The following TP63 variants were observed in gnomAD, a reference collection of about 807,000 sequenced individuals.
TP63 encodes the protein tumor protein p63.
A neutral mutation model predicts 82.8 loss-of-function variants in TP63; 17 were observed. The observed-to-expected ratio is 0.21, with a 90% CI of 0.14 to 0.31. The LOEUF (loss-of-function observed/expected upper bound fraction) is 0.31, where lower values mean the gene tolerates loss of function less well. TP63 is among the 10% of genes least tolerant of loss of function. The probability of loss-of-function intolerance (pLI) is 1.00; values close to 1 mark genes in which losing one functional copy is unlikely to be tolerated. For missense variants in TP63, 648 were observed against 895.3 expected (o/e 0.72, Z 3.52); for synonymous variants, 330 against 321.7 (o/e 1.03, Z -0.28).
intron 1 of TP63, among the ~76,000 whole-genome samples, chr3:189,665,139 C>A (rs899253786): frequency 7.2e-5 from 11 of 152,246 alleles, no homozygotes; most frequent in African/African-American, 1.9e-4. Context: ...GGTAAAACGA[C>A]TCCTTATGAG....
chr3:189,646,475 A>G (rs1236972559), intron 1 of TP63, among the ~76,000 whole-genome samples: 1 of 147,542 alleles, frequency 6.8e-6, no homozygotes, highest in African/African-American at 2.5e-5. Flanking sequence ...TACTTACTTC[A>G]ATGACTAAAC....
At position 189,808,395 on chromosome 3, in the gene TP63, G is replaced by A. The variant is rs762371837; in HGVS notation, c.448G>A (p.Ala150Thr). 4 of 1,614,046 alleles carry A rather than the reference G, an allele frequency of 2.5e-6. No individual in the cohort carries two copies. Among genetic ancestry groups the A allele is most frequent in the Non-Finnish European group, 3.4e-6 (4 of 1,180,004 alleles). ...CAGCGTCACGGCGCCCTCGCCCTAC[G>A]CACAGCCCAGCTCCACCTTCGATGC... ...QNSVTAPSPY[A>T]QPSSTFDALS... The change falls in exon 4 of 14, where the codon GCA (alanine) becomes ACA (threonine). Residue 150 changes from alanine to threonine, a missense_variant. Ala to Thr is a moderately conservative substitution (Grantham distance 58, BLOSUM62 0). Transcript: ENST00000264731.
At chr3:189,726,280 G>A (rs1273415598) in intron 1 of TP63, among the ~76,000 whole-genome samples, 1 of 152,098 alleles carries the variant, frequency 6.6e-6, no homozygotes, top group African/African-American at 2.4e-5. Context: ...GCTATTGATG[G>A]AATATGTGAT....
At chr3:189,882,402 T>A (rs1720012606) in intron 10 of TP63, among the ~76,000 whole-genome samples, 1 of 151,864 alleles carries the variant, frequency 6.6e-6, no homozygotes, top group Non-Finnish European at 1.5e-5. Flanking sequence ...AGGTCACAGG[T>A]AGGCAGTACT....
At chr3:189,875,591 TAC>T (rs202064613) in intron 10 of TP63, among the ~76,000 whole-genome samples, 321 of 26,508 alleles carry the variant, frequency 0.012, 6 homozygotes, top group African/African-American at 0.022. Context: ...AAAAAATACA[TAC>T]ATATATATAT....
intron 4 of TP63, among the ~76,000 whole-genome samples, chr3:189,832,121 C>T (rs766675279): frequency 1.2e-4 from 18 of 152,218 alleles, no homozygotes; most frequent in East Asian, 3.9e-4. Context: ...TGATCCACCA[C>T]GCCCAGCACT....
intron 4 of TP63, chr3:189,829,814 A>G (rs1299136999): frequency 2.0e-5 from 5 of 253,232 alleles, no homozygotes; most frequent in Non-Finnish European, 4.1e-5. Flanking sequence ...TACTGCTGAC[A>G]GTTTTTTTCA....
At chr3:189,697,233 G>GT (rs60550638) in intron 1 of TP63, among the ~76,000 whole-genome samples, 24,862 of 141,634 alleles carry the variant, frequency 0.18, 2,548 homozygotes, top group African/African-American at 0.24. Context: ...TCTAGGTTCA[G>GT]TTTTTTTTTT....
intron 1 of TP63, among the ~76,000 whole-genome samples, chr3:189,649,522 G>C (rs1165542166): frequency 6.8e-6 from 1 of 146,636 alleles, no homozygotes; most frequent in African/African-American, 2.6e-5. Context: ...TAATTAATGA[G>C]TGCTAGGCTT....
At chr3:189,734,993 C>T (rs960795188) in intron 1 of TP63, among the ~76,000 whole-genome samples, 6 of 152,066 alleles carry the variant, frequency 3.9e-5, no homozygotes, top group Non-Finnish European at 5.9e-5. Flanking sequence ...CCATTTACTC[C>T]TCAAAACACT....
At chr3:189,789,191 T>C (rs1172909550) in intron 3 of TP63, among the ~76,000 whole-genome samples, 2 of 152,198 alleles carry the variant, frequency 1.3e-5, no homozygotes, top group South Asian at 4.1e-4. Flanking sequence ...ATTGGTTAAA[T>C]GTAACAGTGG....
In TP63 at chr3:189,828,563, G is replaced by A. The variant is rs1711801971; in HGVS notation, c.579+20037G>A. Among the ~76,000 whole-genome samples the A allele has an allele frequency of 2.6e-5, 4 of 152,152 alleles. No homozygotes were observed. In the South Asian group the frequency reaches 8.3e-4, roughly 32 times the overall value. On this transcript the variant is annotated intron_variant, in intron 4 of 13. Coordinates refer to ENST00000264731, the MANE Select transcript of TP63 (RefSeq NM_003722.5). ...ATTTATCCTTCTGCTTTGACTATGA[G>A]AAGAACCACATACCTGTAATTGGTC...
chr3:189,811,009 T>C (rs1360055113), intron 4 of TP63, among the ~76,000 whole-genome samples: 1 of 152,196 alleles, frequency 6.6e-6, no homozygotes, highest in African/African-American at 2.4e-5. Context: ...GAAAATATTC[T>C]GGTACACTGG....
At position 189,839,059 on chromosome 3, in the gene TP63, A is replaced by AAAAAAG. The variant is rs1560240623; in HGVS notation, c.580-25160_580-25155dup. 4.4e-3 allele frequency among the ~76,000 whole-genome samples: 600 copies of AAAAAAG among 136,332 alleles called. 15 individuals are homozygous for AAAAAAG. Among genetic ancestry groups the AAAAAAG allele is most frequent in the Middle Eastern group, 7.9e-3 (2 of 252 alleles). 89.4% of individuals were successfully genotyped at this position (136,332 alleles called of 152,430 possible). A position where few individuals can be genotyped will look rare whatever the true frequency, so the allele number is the denominator to read the frequency against. On this transcript the variant is annotated intron_variant, in intron 4 of 13. Coordinates refer to ENST00000264731, the MANE Select transcript of TP63 (RefSeq NM_003722.5). ...CTAAGCTAAAAAAAAAAAAAAAAAA[A>AAAAAAG]AAAAAGAAAAAGAAAAAGTAGATTT...
At chr3:189,618,521 T>C in the TP63 span, among the ~76,000 whole-genome samples, 2 of 152,178 alleles carry the variant, frequency 1.3e-5, no homozygotes, top group African/African-American at 2.4e-5. Context: ...ATGGTAAATA[T>C]GGCCTCCTAG....
chr3:189,825,538 G>A (rs911670562), intron 4 of TP63, among the ~76,000 whole-genome samples: 4 of 152,156 alleles, frequency 2.6e-5, no homozygotes, highest in Non-Finnish European at 5.9e-5. Flanking sequence ...ATACCCAGAG[G>A]TATTGCTCAA....
intron 1 of TP63, among the ~76,000 whole-genome samples, chr3:189,719,874 C>T (rs555625428): frequency 2.6e-5 from 4 of 152,228 alleles, no homozygotes; most frequent in African/African-American, 9.6e-5. Context: ...CTGGGTTTGT[C>T]CTCTAAGTAC....
chr3:189,770,252 T>C (rs563741937), intron 3 of TP63, among the ~76,000 whole-genome samples: 4 of 152,336 alleles, frequency 2.6e-5, no homozygotes, highest in South Asian at 4.1e-4. Context: ...ATCTGTTGCT[T>C]TCTATTCATC....
At chr3:189,631,086 G>A (rs1729434617), upstream of TP63, among the ~76,000 whole-genome samples, 1 of 152,138 alleles carries the variant, frequency 6.6e-6, no homozygotes, top group African/African-American at 2.4e-5. Flanking sequence ...GCTCAGTTCA[G>A]TTACAAAAGT....
Sources: allele counts gnomAD v4.1 joint callset (sites outside exome capture counted in the v4.1 genomes callset), GRCh38; gene constraint gnomAD v4.1.1; transcripts MANE v1.5; gene names NCBI Gene and HGNC (gene_info 2026-07-23, HGNC 2026-07-21).